GALNT13: variants seen among roughly 807,000 people sequenced by gnomAD.
The protein encoded by GALNT13 is polypeptide N-acetylgalactosaminyltransferase 13.
Under a neutral mutation model 64.2 loss-of-function variants are expected in GALNT13, and 28 were observed. The observed-to-expected ratio is 0.44, with a 90% CI of 0.32 to 0.60. The LOEUF (loss-of-function observed/expected upper bound fraction) is 0.60. Among genes scored for constraint, GALNT13 ranks in the 20% least tolerant of loss-of-function variants. The pLI is 0.05. For missense variants in GALNT13, 577 were observed against 669.8 expected (o/e 0.86, Z 1.53); for synonymous variants, 214 against 224.6 (o/e 0.95, Z 0.42).
chr2:154,151,505 G>T (rs899514954), intron 4 of GALNT13, among the ~76,000 whole-genome samples: 61 of 152,222 alleles, frequency 4.0e-4, no homozygotes, highest in African/African-American at 1.4e-3. Flanking sequence ...CTGTCTCGTT[G>T]ATCTGTCTAA....
rs148523860 is a variant in GALNT13, at chr2:154,426,482, C to T, written c.1396-12110C>T. ...ATGTATACCAGGGGATAGAAACCTTCGGTCATCTGCAAATTGTACATCAGT... is the reference window on the plus strand; with the variant it reads ...ATGTATACCAGGGGATAGAAACCTTTGGTCATCTGCAAATTGTACATCAGT... On this transcript the variant is annotated intron_variant, in intron 11 of 12. Coordinates refer to ENST00000392825, the MANE Select transcript of GALNT13 (RefSeq NM_052917.4). 1.4e-4 allele frequency among the ~76,000 whole-genome samples: 22 copies of T among 152,252 alleles called. No homozygotes were observed. The East Asian group carries it at 1.7e-3, about 12-fold the overall frequency.
At chr2:153,433,640 A>G in the GALNT13 span, among the ~76,000 whole-genome samples, 134 of 152,258 alleles carry the variant, frequency 8.8e-4, no homozygotes, top group Non-Finnish European at 1.4e-3. Flanking sequence ...GCAAATACCT[A>G]GAGAAGGTAG....
At chr2:153,830,617 C>T in the GALNT13 span, among the ~76,000 whole-genome samples, 3 of 151,938 alleles carry the variant, frequency 2.0e-5, no homozygotes, top group Non-Finnish European at 4.4e-5. Flanking sequence ...TTATTTTTAA[C>T]TTTCTCTTTT....
At chr2:153,943,327 G>A (rs1302398164) in intron 2 of GALNT13, among the ~76,000 whole-genome samples, 3 of 151,934 alleles carry the variant, frequency 2.0e-5, no homozygotes, top group Non-Finnish European at 1.5e-5. Context: ...AATTGGATGC[G>A]TGCTATCTAT....
intron 4 of GALNT13, among the ~76,000 whole-genome samples, chr2:154,186,176 G>C (rs1046871398): frequency 4.6e-5 from 7 of 151,954 alleles, no homozygotes; most frequent in Non-Finnish European, 1.0e-4. Context: ...ATCTACTACT[G>C]TCAGCTGTTT....
the GALNT13 span, among the ~76,000 whole-genome samples, chr2:153,111,726 G>A: frequency 2.7e-3 from 417 of 152,050 alleles, 1 homozygote; most frequent in African/African-American, 9.6e-3. Flanking sequence ...GGCTTTCCTA[G>A]AATCTTCTGT....
At chr2:153,672,882 A>G in the GALNT13 span, among the ~76,000 whole-genome samples, 5 of 152,120 alleles carry the variant, frequency 3.3e-5, no homozygotes, top group East Asian at 9.6e-4. Context: ...GGATATCACT[A>G]CTGATCCCAC....
chr2:153,099,395 A>AG, the GALNT13 span, among the ~76,000 whole-genome samples: 1 of 152,220 alleles, frequency 6.6e-6, no homozygotes, highest in African/African-American at 2.4e-5. Flanking sequence ...AGCTTGAGCT[A>AG]CACATAACTC....
chr2:154,034,788 C>A (rs1306271980), intron 3 of GALNT13, among the ~76,000 whole-genome samples: 1 of 135,410 alleles, frequency 7.4e-6, no homozygotes, highest in Non-Finnish European at 1.5e-5. Flanking sequence ...CTTTTTATGG[C>A]TGAATAGTAG....
At chr2:153,854,884 T>C in the GALNT13 span, among the ~76,000 whole-genome samples, 2 of 152,160 alleles carry the variant, frequency 1.3e-5, no homozygotes. Flanking sequence ...AATGAACAAC[T>C]TCCATTACAG....
At chr2:153,785,557 C>T in the GALNT13 span, among the ~76,000 whole-genome samples, 1 of 152,158 alleles carries the variant, frequency 6.6e-6, no homozygotes, top group Non-Finnish European at 1.5e-5. Flanking sequence ...TGGGTGAGTT[C>T]TACCAGCACT....
At chr2:153,873,687 A>G (rs1686151133) in intron 1 of GALNT13, among the ~76,000 whole-genome samples, 1 of 152,196 alleles carries the variant, frequency 6.6e-6, no homozygotes, top group Admixed American at 6.5e-5. Flanking sequence ...CTGAAACAAC[A>G]TAACAACATA....
the GALNT13 span, among the ~76,000 whole-genome samples, chr2:153,571,531 T>C: frequency 0.23 from 34,481 of 151,996 alleles, 4,360 homozygotes; most frequent in Admixed American, 0.38. Context: ...GTTCCAGATA[T>C]TAGAGGAAAG....
At chr2:154,274,647 C>G (rs1691539559) in intron 8 of GALNT13, among the ~76,000 whole-genome samples, 1 of 152,078 alleles carries the variant, frequency 6.6e-6, no homozygotes, top group South Asian at 2.1e-4. Flanking sequence ...TTTCCTGAAG[C>G]CTTACAAGCC....
At chr2:154,353,782 G>T (rs912589728) in intron 9 of GALNT13, among the ~76,000 whole-genome samples, 1 of 152,108 alleles carries the variant, frequency 6.6e-6, no homozygotes, top group South Asian at 2.1e-4. Flanking sequence ...CATTGTGTAG[G>T]ATGGGTATAT....
At chr2:153,502,580 CTTCT>C in the GALNT13 span, among the ~76,000 whole-genome samples, 1 of 152,160 alleles carries the variant, frequency 6.6e-6, no homozygotes. Context: ...TGTATAATGA[CTTCT>C]TTTTCTCTGG....
At chr2:154,448,522 G>GT (rs1701711357) in intron 12 of GALNT13, among the ~76,000 whole-genome samples, 1 of 151,970 alleles carries the variant, frequency 6.6e-6, no homozygotes, top group South Asian at 2.1e-4. Flanking sequence ...AAAAGGTCTG[G>GT]TTTTCCACTG....
intron 8 of GALNT13, among the ~76,000 whole-genome samples, chr2:154,298,825 TACA>T (rs1693236529): frequency 2.4e-4 from 1 of 4,114 alleles, no homozygotes; most frequent in African/African-American, 5.1e-4. Flanking sequence ...TATTTATATA[TACA>T]TTATATATAA....
chr2:153,725,921 T>A, the GALNT13 span, among the ~76,000 whole-genome samples: 6 of 152,192 alleles, frequency 3.9e-5, no homozygotes, highest in African/African-American at 1.4e-4. Flanking sequence ...GTATAATAAT[T>A]TTTAAATTAT....
Sources: gnomAD v4.1 joint callset for allele counts (sites outside exome capture counted in the v4.1 genomes callset) on GRCh38, gnomAD v4.1.1 for gene constraint, MANE v1.5 for transcripts, NCBI Gene and HGNC (gene_info 2026-07-23, HGNC 2026-07-21) for gene names.